TBC1D22A: variants seen among roughly 807,000 people sequenced by gnomAD.
TBC1D22A encodes the protein putative GTPase activator.
Under a neutral mutation model 60.2 loss-of-function variants are expected in TBC1D22A, and 38 were observed. That is an observed-to-expected ratio of 0.63 (90% confidence interval 0.49 to 0.83). The LOEUF is 0.83. TBC1D22A is among the 40% of genes least tolerant of loss of function. The probability of loss-of-function intolerance (pLI) is 0.00; values close to 1 mark genes in which losing one functional copy is unlikely to be tolerated. For synonymous variants in TBC1D22A, 302 were observed against 281.7 expected (o/e 1.07, Z -0.72); for missense variants, 628 against 701.0 (o/e 0.90, Z 1.18).
At position 47,058,011 on chromosome 22, in the gene TBC1D22A, C is replaced by T. The variant is rs115332289; in HGVS notation, c.1329+20813C>T. ...CGTCATTGCTACTGTGTGGCACCAG[C>T]GCAGGGCCTCGACCCCCCTTGGGCT... On this transcript the variant is annotated intron_variant, in intron 11 of 12. Coordinates refer to ENST00000337137, the MANE Select transcript of TBC1D22A (RefSeq NM_014346.5). 5.0e-3 allele frequency among the ~76,000 whole-genome samples: 761 copies of T among 152,318 alleles called. 8 individuals are homozygous for T. The highest frequency in any genetic ancestry group is 0.018 in the African/African-American group (732 of 41,576).
chr22:46,967,200 G>T (rs920089481), intron 8 of TBC1D22A, among the ~76,000 whole-genome samples: 3 of 152,166 alleles, frequency 2.0e-5, no homozygotes, highest in African/African-American at 7.2e-5. Context: ...AAACATTCCC[G>T]CACTAGAGCC....
chr22:46,861,714 G>T (rs1313913305), intron 4 of TBC1D22A, among the ~76,000 whole-genome samples: 2 of 152,190 alleles, frequency 1.3e-5, no homozygotes, highest in Non-Finnish European at 2.9e-5. Flanking sequence ...AGAACCCATG[G>T]GCAAACTCAG....
At chr22:46,963,467 G>C (rs1555971815) in intron 8 of TBC1D22A, among the ~76,000 whole-genome samples, 1 of 152,164 alleles carries the variant, frequency 6.6e-6, no homozygotes. Flanking sequence ...CAAGTGTATT[G>C]GCTCTGAATG....
At chr22:47,168,668 G>T (rs1300822962) in intron 12 of TBC1D22A, among the ~76,000 whole-genome samples, 1 of 152,076 alleles carries the variant, frequency 6.6e-6, no homozygotes, top group Non-Finnish European at 1.5e-5. Flanking sequence ...GGAACCCAGG[G>T]TCTGCAGTCA....
At chr22:46,770,343 G>T (rs184439561) in intron 1 of TBC1D22A, among the ~76,000 whole-genome samples, 386 of 152,344 alleles carry the variant, frequency 2.5e-3, no homozygotes, top group Non-Finnish European at 3.7e-3. Flanking sequence ...TTCTCCCTTC[G>T]AGCCTCCCGG....
At chr22:47,170,968 G>T (rs974250761) in intron 12 of TBC1D22A, among the ~76,000 whole-genome samples, 1 of 152,144 alleles carries the variant, frequency 6.6e-6, no homozygotes, top group Non-Finnish European at 1.5e-5. Flanking sequence ...CGGGATGGCC[G>T]GGGGGCCTGC....
chr22:47,135,569 T>C (rs1039002874), intron 12 of TBC1D22A, among the ~76,000 whole-genome samples: 1 of 152,062 alleles, frequency 6.6e-6, no homozygotes, highest in Admixed American at 6.5e-5. Context: ...CCTGGATTGA[T>C]GGCAGTAGTG....
intron 7 of TBC1D22A, among the ~76,000 whole-genome samples, chr22:46,906,926 C>T (rs1002308926): frequency 4.6e-5 from 7 of 151,904 alleles, no homozygotes; most frequent in South Asian, 2.1e-4. Flanking sequence ...TTCATGTGTG[C>T]GCGTGTGCTC....
chr22:46,860,984 T>TG (rs34169174), intron 4 of TBC1D22A, among the ~76,000 whole-genome samples: 70,400 of 151,738 alleles, frequency 0.46, 17,086 homozygotes, highest in African/African-American at 0.62. Flanking sequence ...AATAAATTAA[T>TG]TTTTTTTTAA....
At chr22:46,920,834 G>T (rs960817321) in intron 8 of TBC1D22A, among the ~76,000 whole-genome samples, 1 of 151,066 alleles carries the variant, frequency 6.6e-6, no homozygotes, top group Non-Finnish European at 1.5e-5. Flanking sequence ...GCAGTCGTGC[G>T]ATATCGGCTC....
intron 4 of TBC1D22A, among the ~76,000 whole-genome samples, chr22:46,810,992 G>C (rs1043508624): frequency 6.6e-6 from 1 of 152,226 alleles, no homozygotes; most frequent in African/African-American, 2.4e-5. Context: ...TGGGGAGCAT[G>C]GCTGGCATAG....
At chr22:47,039,922 G>A (rs1423264191) in intron 11 of TBC1D22A, among the ~76,000 whole-genome samples, 6 of 145,356 alleles carry the variant, frequency 4.1e-5, no homozygotes, top group African/African-American at 1.6e-4. Context: ...AGGCGTCGGG[G>A]AGGTGCCACA....
intron 4 of TBC1D22A, among the ~76,000 whole-genome samples, chr22:46,874,562 CTTTTTTTTTTTTTTTTT>C (rs747481407): frequency 9.8e-5 from 4 of 40,778 alleles, no homozygotes; most frequent in Admixed American, 3.7e-4. Context: ...ACAGGTATGT[CTTTTTTTTTTTTTTTTT>C]TTTTTTTTTT....
intron 11 of TBC1D22A, among the ~76,000 whole-genome samples, chr22:47,061,704 G>C (rs1013218487): frequency 6.6e-6 from 1 of 152,146 alleles, no homozygotes; most frequent in African/African-American, 2.4e-5. Context: ...TGCATTGTCG[G>C]TGGTTTGTGT....
intron 11 of TBC1D22A, among the ~76,000 whole-genome samples, chr22:47,066,010 C>T (rs1232001799): frequency 4.6e-5 from 7 of 152,120 alleles, no homozygotes; most frequent in Non-Finnish European, 1.0e-4. Context: ...CCACCCTGTG[C>T]GTCATGGGAG....
At position 46,793,798 on chromosome 22, in the gene TBC1D22A, G is replaced by C; in HGVS notation, c.417G>C (p.Arg139=). The C allele has an allele frequency of 6.3e-7, 1 of 1,597,746 alleles. No individual in the cohort carries two copies. Among genetic ancestry groups the C allele is most frequent in the South Asian group, 1.1e-5 (1 of 89,384 alleles). Residue 139 remains arginine (R), a synonymous_variant, in exon 3 of 13, where the codon CGG becomes CGC. Coordinates refer to ENST00000337137, the MANE Select transcript of TBC1D22A (RefSeq NM_014346.5). Reference sequence around the variant, plus strand: ...CCTCACCCCCCAGCGGCGACCTCCGGCTGGTGAAGTCGGTCAGTGAGAGCC... The same window carrying C: ...CCTCACCCCCCAGCGGCGACCTCCGCCTGGTGAAGTCGGTCAGTGAGAGCC... ...EPPSPPSGDL[R]LVKSVSESHT...
chr22:47,108,700 G>GT (rs987475140), intron 11 of TBC1D22A, among the ~76,000 whole-genome samples: 42 of 152,184 alleles, frequency 2.8e-4, no homozygotes, highest in Non-Finnish European at 6.0e-4. Context: ...GTTTTGTTTT[G>GT]TTTTTTGTTT....
intron 4 of TBC1D22A, among the ~76,000 whole-genome samples, chr22:46,855,813 C>T (rs1046899683): frequency 2.0e-5 from 3 of 152,108 alleles, no homozygotes; most frequent in South Asian, 2.1e-4. Context: ...TGCTTCTGTG[C>T]GTTTTATTTG....
rs556139264 is a variant in TBC1D22A, at chr22:47,091,600, G to A, written c.1330-19908G>A. Reference sequence around the variant, plus strand: ...GTGTTGATAGAGACAGGCACGATAAGTCGTCTTTCGGGGAGTGGCCTCGCT... The same window carrying A: ...GTGTTGATAGAGACAGGCACGATAAATCGTCTTTCGGGGAGTGGCCTCGCT... On this transcript the variant is annotated intron_variant, in intron 11 of 12. Coordinates refer to ENST00000337137, the MANE Select transcript of TBC1D22A (RefSeq NM_014346.5). Among the ~76,000 whole-genome samples, 7 of 151,812 alleles carry A rather than the reference G, an allele frequency of 4.6e-5. No individual in the cohort carries two copies. In the East Asian group the frequency reaches 1.4e-3, roughly 30 times the overall value.
Sources: allele counts gnomAD v4.1 joint callset (sites outside exome capture counted in the v4.1 genomes callset), GRCh38; gene constraint gnomAD v4.1.1; transcripts MANE v1.5; gene names NCBI Gene and HGNC (gene_info 2026-07-23, HGNC 2026-07-21).